Variants in PEX13 observed in about 807,000 individuals in gnomAD.
PEX13 encodes peroxisome biogenesis factor 13.
A neutral mutation model predicts 34.5 loss-of-function variants in PEX13; 28 were observed. That is an observed-to-expected ratio of 0.81 (90% CI 0.60 to 1.11). PEX13 has a LOEUF of 1.11. PEX13 is among the 50% of genes most tolerant of loss of function. PEX13 has a pLI of 0.00. For missense variants in PEX13, 550 were observed against 491.0 expected (o/e 1.12, Z -1.13); for synonymous variants, 177 against 175.1 (o/e 1.01, Z -0.09).
chr2:61,027,605 T>C (rs1199346836), intron 1 of PEX13, among the ~76,000 whole-genome samples: 1 of 152,232 alleles, frequency 6.6e-6, no homozygotes, highest in Non-Finnish European at 1.5e-5. Flanking sequence ...CTTTTCGTTT[T>C]TGTTACTTCA....
At chr2:61,038,455 G>A (rs574861837) in intron 2 of PEX13, among the ~76,000 whole-genome samples, 3 of 152,198 alleles carry the variant, frequency 2.0e-5, no homozygotes, top group Admixed American at 6.5e-5. Context: ...TTCAACATTC[G>A]CAAATCAATA....
rs200928725 is a variant in PEX13, at chr2:61,031,595, A to G, written c.269A>G (p.Tyr90Cys). The G allele has an allele frequency of 1.2e-4, 195 of 1,614,036 alleles. No homozygotes were observed. The East Asian group carries it at 4.3e-3, about 36-fold the overall frequency. ...SGYGAYGNSFYGGYSPYSYGY... is the reference protein window; with the variant it reads ...SGYGAYGNSFCGGYSPYSYGY... ...TATGGTGCCTATGGAAATTCATTTTATGGAGGCTATAGTCCTTATAGTTAT... is the reference window on the plus strand; with the variant it reads ...TATGGTGCCTATGGAAATTCATTTTGTGGAGGCTATAGTCCTTATAGTTAT... The change falls in exon 2 of 4, where the codon TAT becomes TGT. Residue 90 changes from tyrosine (Y) to cysteine (C), a missense_variant. Coordinates refer to ENST00000295030, the MANE Select transcript of PEX13 (RefSeq NM_002618.4).
intron 2 of PEX13, 97 bp downstream of exon 2, chr2:61,032,210 C>A: frequency 1.1e-6 from 1 of 898,536 alleles, no homozygotes; most frequent in Non-Finnish European, 1.7e-6. Context: ...TTTGTATTTA[C>A]TGTTTCCAGT....
At chr2:61,034,829 C>T (rs1680509384) in intron 2 of PEX13, among the ~76,000 whole-genome samples, 1 of 152,238 alleles carries the variant, frequency 6.6e-6, no homozygotes, top group Non-Finnish European at 1.5e-5. Context: ...TCGAACTGGG[C>T]GGAGCCCACC....
Position 61,048,790 on chromosome 2 carries a change from C to T in PEX13, c.*20C>T. 6.3e-7 allele frequency: 1 copy of T among 1,580,544 alleles called. No individual in the cohort carries two copies. The highest frequency in any genetic ancestry group is 8.7e-7 in the Non-Finnish European group (1 of 1,149,372). ...CTTTGATATCTTTCATGTTTGCCTG[C>T]AGTTGAACAATACTTTAGAGTACTT... On this transcript the variant is annotated 3_prime_UTR_variant, in exon 4 of 4. Coordinates refer to ENST00000295030, the MANE Select transcript of PEX13 (RefSeq NM_002618.4).
intron 2 of PEX13, among the ~76,000 whole-genome samples, chr2:61,038,991 A>G (rs1559040867): frequency 6.6e-6 from 1 of 152,212 alleles, no homozygotes; most frequent in Non-Finnish European, 1.5e-5. Context: ...ACTCCCATTC[A>G]CAATTACTAC....
chr2:61,044,062 A>C (rs1422257947), intron 2 of PEX13, among the ~76,000 whole-genome samples: 1 of 151,822 alleles, frequency 6.6e-6, no homozygotes, highest in Admixed American at 6.6e-5. Context: ...TGATTCTCCC[A>C]CCTCAGCTTC....
At chr2:61,046,164 C>G (rs990214297) in intron 3 of PEX13, among the ~76,000 whole-genome samples, 1 of 152,180 alleles carries the variant, frequency 6.6e-6, no homozygotes, top group Admixed American at 6.5e-5. Flanking sequence ...CTAAACATAA[C>G]AAATCTAATA....
At chr2:61,033,268 T>C (rs1401089428) in intron 2 of PEX13, among the ~76,000 whole-genome samples, 1 of 152,162 alleles carries the variant, frequency 6.6e-6, no homozygotes, top group Non-Finnish European at 1.5e-5. Flanking sequence ...TACTTTTGCA[T>C]TAGACTGTTT....
chr2:61,045,501 C>A (rs1680692022), intron 2 of PEX13, among the ~76,000 whole-genome samples: 1 of 152,098 alleles, frequency 6.6e-6, no homozygotes, highest in African/African-American at 2.4e-5. Context: ...ACCCCTGGCT[C>A]ACGGTAAGAG....
chr2:61,024,786 G>A (rs1680323765), intron 1 of PEX13, among the ~76,000 whole-genome samples: 2 of 152,126 alleles, frequency 1.3e-5, no homozygotes, highest in African/African-American at 4.8e-5. Context: ...TCCAGCCTGG[G>A]CAACAGAGTG....
intron 1 of PEX13, among the ~76,000 whole-genome samples, chr2:61,020,019 C>G (rs1379250211): frequency 6.6e-6 from 1 of 152,082 alleles, no homozygotes; most frequent in Non-Finnish European, 1.5e-5. Context: ...GTCAGGAGAT[C>G]GAGACCATCC....
chr2:61,018,247 A>G lies in PEX13; in HGVS notation c.92+396A>G, dbSNP rs1056493383. The G allele has an allele frequency of 7.1e-6, 11 of 1,551,016 alleles. No homozygotes were observed. In the Admixed American group the frequency reaches 1.4e-4, roughly 19 times the overall value. Reference sequence around the variant, plus strand: ...TCCAGCCACGGCATCGACAGGGAGCAAAGTCTCTCCTTAAAGGTGTTAACC... The same window carrying G: ...TCCAGCCACGGCATCGACAGGGAGCGAAGTCTCTCCTTAAAGGTGTTAACC... On this transcript the variant is annotated intron_variant, in intron 1 of 3. Coordinates refer to ENST00000295030, the MANE Select transcript of PEX13 (RefSeq NM_002618.4).
In PEX13 at chr2:61,049,964, G is replaced by A. The variant is rs75205376; in HGVS notation, c.*1194G>A. ...CATAGATTGTTTGCTTCTACCTTGTGTAATTTTTTAAATTCCATATTTAGG... is the reference window on the plus strand; with the variant it reads ...CATAGATTGTTTGCTTCTACCTTGTATAATTTTTTAAATTCCATATTTAGG... On this transcript the variant is annotated 3_prime_UTR_variant, in exon 4 of 4. Transcript: ENST00000295030. 0.14 allele frequency: 20,593 copies of A among 152,114 alleles called. 1,910 individuals carry two copies. Among genetic ancestry groups the A allele is most frequent in the Non-Finnish European group, 0.2 (13,710 of 67,966 alleles). The allele number at this position is 152,114 out of a possible 1,614,324, so 9.4% of individuals were successfully genotyped here. A position where few individuals can be genotyped will look rare whatever the true frequency, so the allele number is the denominator to read the frequency against.
rs964662764 is a variant in PEX13 at position 61,050,933 on chromosome 2, T to C, written c.*2163T>C. ...ACCGCACCCAGCGATTTAGTATTTT[T>C]TTCTAATAGACTATGTTCAACAAAT... is the stretch of plus-strand genomic sequence containing the variant. On this transcript the variant is annotated 3_prime_UTR_variant, in exon 4 of 4. Coordinates refer to ENST00000295030, the MANE Select transcript of PEX13 (RefSeq NM_002618.4). The C allele has an allele frequency of 1.3e-5, 2 of 152,372 alleles. No individual in the cohort carries two copies. Among genetic ancestry groups the C allele is most frequent in the African/African-American group, 4.8e-5 (2 of 41,460 alleles). 9.4% of individuals were successfully genotyped at this position (152,372 alleles called of 1,614,324 possible).
intron 1 of PEX13, chr2:61,018,854 C>T (rs1242834335): frequency 6.6e-6 from 1 of 152,160 alleles, no homozygotes; most frequent in Non-Finnish European, 1.5e-5. Flanking sequence ...CCCATTTAGG[C>T]TGCTTGTCGA....
In PEX13 at chr2:61,031,468, C is replaced by T. The variant is rs60203778; in HGVS notation, c.142C>T (p.Leu48Phe). 231 of 1,614,212 alleles carry T rather than the reference C, an allele frequency of 1.4e-4. 4 individuals are homozygous for T. In the South Asian group the frequency reaches 1.9e-3, roughly 13 times the overall value. Reference protein sequence around the residue: ...TLMTRPGQPALTRVPPPILPR... With the variant: ...TLMTRPGQPAFTRVPPPILPR... ...AATGACAAGACCTGGACAACCAGCA[C>T]TTACCAGAGTGCCCCCACCTATTCT... The change falls in exon 2 of 4, where the codon CTT becomes TTT. Residue 48 changes from leucine (L) to phenylalanine (F), a missense_variant. Transcript: ENST00000295030.
rs564528921 is a variant in PEX13, at chr2:61,017,791, C to T, written c.32C>T (p.Pro11Leu). Reference protein sequence around the residue: MASQPPPPPKPWETRRIPGAG... With the variant: MASQPPPPPKLWETRRIPGAG... ...TCCCAGCCGCCACCTCCCCCCAAAC[C>T]CTGGGAGACCCGCCGAATTCCGGGA... Residue 11 changes from proline to leucine, a missense_variant, in exon 1 of 4, where the codon CCC (proline) becomes CTC (leucine). Transcript: ENST00000295030. 3.1e-4 allele frequency: 477 copies of T among 1,550,310 alleles called. No homozygotes were observed. The highest frequency in any genetic ancestry group is 4.0e-4 in the Non-Finnish European group (454 of 1,146,896).
intron 2 of PEX13, among the ~76,000 whole-genome samples, chr2:61,035,394 C>A (rs1288611765): frequency 6.6e-6 from 1 of 152,124 alleles, no homozygotes; most frequent in Non-Finnish European, 1.5e-5. Flanking sequence ...CCTGAAAATT[C>A]CAAAAACCAG....
Sources: gnomAD v4.1 joint callset for allele counts (sites outside exome capture counted in the v4.1 genomes callset) on GRCh38, gnomAD v4.1.1 for gene constraint, MANE v1.5 for transcripts, NCBI Gene and HGNC (gene_info 2026-07-23, HGNC 2026-07-21) for gene names.